Variants in SUN1 observed in about 807,000 individuals in gnomAD.
SUN1 encodes the protein Sad1 and UNC84 domain containing 1.
In SUN1, 61 loss-of-function variants were observed where a neutral mutation model predicts 103.2. That is an observed-to-expected ratio of 0.59 (90% CI 0.48 to 0.73). The LOEUF (loss-of-function observed/expected upper bound fraction) is 0.73. Ranked by LOEUF, SUN1 falls within the 30% of genes least tolerant of loss-of-function variation. The probability of loss-of-function intolerance (pLI) is 0.00; values close to 1 mark genes in which losing one functional copy is unlikely to be tolerated. For missense variants in SUN1, 1,052 were observed against 1,034.6 expected (o/e 1.02, Z -0.23); for synonymous variants, 490 against 425.7 (o/e 1.15, Z -1.86).
chr7:847,394 C>T, intron 5 of SUN1, among the ~76,000 whole-genome samples: 1 of 149,200 alleles, frequency 6.7e-6, no homozygotes, highest in African/African-American at 2.5e-5. Context: ...AGTCCAGTCT[C>T]CGGGATCCCC....
At chr7:869,196 G>T in intron 16 of SUN1, 153 bp from the exon 17 acceptor site, 349 of 830,362 alleles carry the variant, frequency 4.2e-4, no homozygotes, top group Non-Finnish European at 4.1e-4. Flanking sequence ...AATTACAAAT[G>T]CCTTTCCCAG....
At chr7:816,012 A>G, upstream of SUN1, 1 of 203,266 alleles carries the variant, frequency 4.9e-6, no homozygotes. Flanking sequence ...CTGGAGATTC[A>G]GACCCTCTCA....
chr7:853,265 C>G (rs4076072), intron 9 of SUN1, 144 bp from the exon 10 acceptor site: 2 of 935,828 alleles, frequency 2.1e-6, no homozygotes, highest in African/African-American at 3.3e-5. Context: ...AAACCTGATA[C>G]TCCGGGTTTC....
chr7:848,747 T>A (rs1378738009), intron 5 of SUN1: 1 of 507,198 alleles, frequency 2.0e-6, no homozygotes, highest in Admixed American at 4.1e-5. Flanking sequence ...CTCTCCTGGC[T>A]TCCCCCTCTG....
intron 12 of SUN1, 117 bp from the exon 13 acceptor site, chr7:857,711 A>G: frequency 7.7e-7 from 1 of 1,295,846 alleles, no homozygotes; most frequent in Non-Finnish European, 1.0e-6. Context: ...ACAGGATGAC[A>G]TCTGTACAGT....
chr7:864,186 A>G (rs886844890), intron 15 of SUN1, among the ~76,000 whole-genome samples: 5 of 152,190 alleles, frequency 3.3e-5, no homozygotes, highest in African/African-American at 1.2e-4. Context: ...ATCATGAAAA[A>G]TGGGGTACCC....
chr7:824,676 C>G (rs562364218), intron 1 of SUN1, among the ~76,000 whole-genome samples: 1 of 152,152 alleles, frequency 6.6e-6, no homozygotes, highest in African/African-American at 2.4e-5. Context: ...TAGAAGTCGT[C>G]GTTTTCTTTG....
intron 5 of SUN1, among the ~76,000 whole-genome samples, chr7:847,970 G>C (rs1817919208): frequency 6.7e-6 from 1 of 148,622 alleles, no homozygotes; most frequent in Non-Finnish European, 1.5e-5. Flanking sequence ...CGCCCTCTCT[G>C]GGATCTCCTG....
At chr7:825,494 G>A (rs1036398282) in intron 1 of SUN1, among the ~76,000 whole-genome samples, 16 of 152,168 alleles carry the variant, frequency 1.1e-4, no homozygotes, top group African/African-American at 3.1e-4. Context: ...GTTATTTTTC[G>A]AGAAGTACTA....
intron 5 of SUN1, 111 bp downstream of exon 5, chr7:843,631 C>A (rs780519269): frequency 1.0e-5 from 16 of 1,594,524 alleles, no homozygotes; most frequent in Admixed American, 7.0e-5. Flanking sequence ...TAAAATTATC[C>A]CTTGAAAGCA....
At chr7:840,755 C>G (rs1379168528) in intron 2 of SUN1, among the ~76,000 whole-genome samples, 1 of 151,414 alleles carries the variant, frequency 6.6e-6, no homozygotes, top group Non-Finnish European at 1.5e-5. Flanking sequence ...CATTCTCCTG[C>G]CTCAGCCTCC....
chr7:865,538 C>A (rs1051469136), intron 15 of SUN1, among the ~76,000 whole-genome samples: 5 of 152,246 alleles, frequency 3.3e-5, no homozygotes, highest in Non-Finnish European at 7.3e-5. Context: ...ACAAGCAGTG[C>A]TGCACAAAGA....
Position 848,624 on chromosome 7 carries a change from A to G in SUN1, c.659-2760A>G, listed in dbSNP as rs769369567. 5 of 1,314,984 alleles carry G rather than the reference A, an allele frequency of 3.8e-6. No homozygotes were observed. The South Asian group carries it at 5.0e-5, about 13-fold the overall frequency. 81.5% of individuals were successfully genotyped at this position (1,314,984 alleles called of 1,614,324 possible). On this transcript the variant is annotated intron_variant, in intron 5 of 18. Coordinates refer to ENST00000401592, the MANE Select transcript of SUN1 (RefSeq NM_001130965.3). Reference sequence around the variant, plus strand: ...AAGCCATGAATCAAAAGGTATTTAAATATTTTTTCCCTCCTTTTTCCACCA... The same window carrying G: ...AAGCCATGAATCAAAAGGTATTTAAGTATTTTTTCCCTCCTTTTTCCACCA...
chr7:835,905 G>T (rs1337282915), intron 1 of SUN1, among the ~76,000 whole-genome samples: 1 of 152,248 alleles, frequency 6.6e-6, no homozygotes, highest in Non-Finnish European at 1.5e-5. Flanking sequence ...CTCTCATGGG[G>T]GTGTTGGCTG....
At chr7:864,964 C>T (rs1206433858) in intron 15 of SUN1, among the ~76,000 whole-genome samples, 2 of 151,904 alleles carry the variant, frequency 1.3e-5, no homozygotes, top group Non-Finnish European at 2.9e-5. Flanking sequence ...TAACCATCCC[C>T]ACTTTCCCTG....
At chr7:870,096 C>T (rs1303510822) in intron 17 of SUN1, among the ~76,000 whole-genome samples, 1 of 149,542 alleles carries the variant, frequency 6.7e-6, no homozygotes, top group East Asian at 2.0e-4. Flanking sequence ...ATCCCAGATA[C>T]CTGGGAGGCT....
At position 848,556 on chromosome 7, in the gene SUN1, C is replaced by T. The variant is rs568121224; in HGVS notation, c.659-2828C>T. On this transcript the variant is annotated intron_variant, in intron 5 of 18. Coordinates refer to ENST00000401592, the MANE Select transcript of SUN1 (RefSeq NM_001130965.3). ...GAATCAGAAAATTACAAATTGAAAA[C>T]TCATGAATCAAAAGATTGTGAATCC... 1.6e-4 allele frequency: 222 copies of T among 1,358,742 alleles called. 5 individuals carry two copies. In the South Asian group the frequency reaches 2.2e-3, roughly 14 times the overall value. The allele number at this position is 1,358,742 out of a possible 1,614,324, so 84.2% of individuals were successfully genotyped here.
intron 1 of SUN1, chr7:817,628 A>C: frequency 8.8e-7 from 1 of 1,135,266 alleles, no homozygotes; most frequent in South Asian, 1.6e-5. Flanking sequence ...TTGCCCATGA[A>C]GTGCTTGCGG....
Position 874,172 on chromosome 7 carries a change from C to A in SUN1, c.*841C>A, listed in dbSNP as rs1282387376. ...AGGGAGCGCAAGACGCCCTGAGCCT[C>A]CCTCTCACTGGTGGTGATAAGAGGA... On this transcript the variant is annotated 3_prime_UTR_variant, in exon 19 of 19. Coordinates refer to ENST00000401592, the MANE Select transcript of SUN1 (RefSeq NM_001130965.3). 1 of 152,360 alleles carries A rather than the reference C, an allele frequency of 6.6e-6. No homozygotes were observed. Among genetic ancestry groups the A allele is most frequent in the Admixed American group, 6.5e-5 (1 of 15,276 alleles). 9.4% of individuals were successfully genotyped at this position (152,360 alleles called of 1,614,324 possible).
Sources: gnomAD v4.1 joint callset for allele counts (sites outside exome capture counted in the v4.1 genomes callset) on GRCh38, gnomAD v4.1.1 for gene constraint, MANE v1.5 for transcripts, NCBI Gene and HGNC (gene_info 2026-07-23, HGNC 2026-07-21) for gene names.